Variants in FILIP1L observed in about 807,000 individuals in gnomAD.
FILIP1L encodes the protein filamin A interacting protein 1 like.
FILIP1L carries 55 observed loss-of-function variants against 96.6 expected under a neutral mutation model. The ratio of observed to expected loss-of-function variants is 0.57; its 90% CI spans 0.46 to 0.71. The LOEUF (loss-of-function observed/expected upper bound fraction) is 0.71. FILIP1L is among the 30% of genes least tolerant of loss of function. The probability of loss-of-function intolerance (pLI) is 0.00; values close to 1 mark genes in which losing one functional copy is unlikely to be tolerated. For missense variants in FILIP1L, 1,304 were observed against 1,321.2 expected, an observed-to-expected ratio of 0.99 and a Z score of 0.20; for synonymous variants, 467 against 473.9, an observed-to-expected ratio of 0.99 and a Z score of 0.19.
intron 1 of FILIP1L, among the ~76,000 whole-genome samples, chr3:99,974,275 C>T (rs967334997): frequency 2.0e-5 from 3 of 152,166 alleles, no homozygotes; most frequent in African/African-American, 4.8e-5. Context: ...CTTTCAAGCA[C>T]GGGTTGATTT....
chr3:100,015,552 T>A (rs1424885274), intron 1 of FILIP1L, among the ~76,000 whole-genome samples: 6 of 152,234 alleles, frequency 3.9e-5, no homozygotes, highest in Non-Finnish European at 1.5e-5. Flanking sequence ...GGACAATATT[T>A]TTTACACATT....
At chr3:99,992,798 A>G (rs967424469) in intron 1 of FILIP1L, among the ~76,000 whole-genome samples, 5 of 152,068 alleles carry the variant, frequency 3.3e-5, no homozygotes, top group African/African-American at 1.2e-4. Flanking sequence ...ATGGTTTCAG[A>G]TCTTACATTT....
intron 4 of FILIP1L, among the ~76,000 whole-genome samples, chr3:99,903,229 CATGTGTG>C (rs1440408555): frequency 6.6e-6 from 1 of 151,800 alleles, no homozygotes; most frequent in Non-Finnish European, 1.5e-5. Context: ...TGTATTCATA[CATGTGTG>C]TATATGTATA....
chr3:100,005,601 G>T (rs192782890), intron 1 of FILIP1L, among the ~76,000 whole-genome samples: 1 of 152,180 alleles, frequency 6.6e-6, no homozygotes, highest in African/African-American at 2.4e-5. Context: ...GAATTCCAAT[G>T]ATTCTAAAGT....
chr3:99,936,635 A>G (rs377766634), intron 1 of FILIP1L, among the ~76,000 whole-genome samples: 1 of 147,864 alleles, frequency 6.8e-6, no homozygotes, highest in East Asian at 2.1e-4. Context: ...GCCTCCCAAA[A>G]TGCAGGGATT....
At chr3:99,881,623 C>A (rs963143958) in intron 4 of FILIP1L, among the ~76,000 whole-genome samples, 1 of 151,902 alleles carries the variant, frequency 6.6e-6, no homozygotes. Flanking sequence ...ACCTCCGACT[C>A]CTGGGTTCAG....
intron 1 of FILIP1L, among the ~76,000 whole-genome samples, chr3:99,937,322 T>C (rs1045483817): frequency 6.6e-6 from 1 of 152,228 alleles, no homozygotes; most frequent in African/African-American, 2.4e-5. Flanking sequence ...TAACATAAAT[T>C]CACAAACCCC....
At chr3:100,050,890 T>G (rs1023448190) in intron 1 of FILIP1L, among the ~76,000 whole-genome samples, 3 of 152,174 alleles carry the variant, frequency 2.0e-5, no homozygotes, top group African/African-American at 7.2e-5. Flanking sequence ...TGAGACACAT[T>G]CTTTGGGAGC....
intron 5 of FILIP1L, among the ~76,000 whole-genome samples, chr3:99,844,199 T>C (rs899623519): frequency 6.6e-6 from 1 of 152,172 alleles, no homozygotes; most frequent in Non-Finnish European, 1.5e-5. Context: ...AAGTACCGTT[T>C]TAGGGCACAA....
intron 4 of FILIP1L, among the ~76,000 whole-genome samples, chr3:99,860,230 G>A (rs569466521): frequency 6.6e-6 from 1 of 152,284 alleles, no homozygotes; most frequent in South Asian, 2.1e-4. Flanking sequence ...CTTTAGCTTG[G>A]TGTCAGAGGA....
intron 1 of FILIP1L, among the ~76,000 whole-genome samples, chr3:99,933,098 A>G (rs916289863): frequency 3.3e-5 from 5 of 152,240 alleles, no homozygotes; most frequent in African/African-American, 1.2e-4. Flanking sequence ...AAGGTTGCAC[A>G]GCTAATAAGT....
At chr3:100,062,090 CTTCTTTTTTTTTTTTTTTTTT>C (rs2065577206) in intron 1 of FILIP1L, among the ~76,000 whole-genome samples, 1 of 67,880 alleles carries the variant, frequency 1.5e-5, no homozygotes, top group Non-Finnish European at 2.8e-5. Context: ...ATCCTGTCTT[CTTCTTTTTTTTTTTTTTTTTT>C]TTTTTTTTTT....
chr3:99,853,318 A>G (rs1315895952), intron 4 of FILIP1L, among the ~76,000 whole-genome samples: 1 of 152,238 alleles, frequency 6.6e-6, no homozygotes, highest in Non-Finnish European at 1.5e-5. Flanking sequence ...TCTCTACACC[A>G]CAGTTCTTAC....
intron 1 of FILIP1L, chr3:100,010,194 AT>A: frequency 1.1e-6 from 1 of 893,584 alleles, no homozygotes; most frequent in Non-Finnish European, 1.3e-6. Context: ...AAGTATTGCT[AT>A]TTTTATCAAA....
chr3:100,051,623 T>C (rs1182267783), intron 1 of FILIP1L, among the ~76,000 whole-genome samples: 2 of 150,874 alleles, frequency 1.3e-5, no homozygotes, highest in Non-Finnish European at 3.0e-5. Context: ...TTTTTGTCCT[T>C]GCGATAGTTT....
chr3:100,078,613 G>A (rs572803458), intron 1 of FILIP1L, among the ~76,000 whole-genome samples: 3 of 152,240 alleles, frequency 2.0e-5, no homozygotes, highest in Non-Finnish European at 2.9e-5. Flanking sequence ...AATTGGCCTG[G>A]CATGGTGGCT....
intron 1 of FILIP1L, among the ~76,000 whole-genome samples, chr3:100,006,233 T>C (rs913304646): frequency 5.3e-5 from 8 of 152,134 alleles, no homozygotes; most frequent in Non-Finnish European, 1.0e-4. Context: ...CCAAACTGTT[T>C]TCCCCAGCCC....
At chr3:99,832,076 G>A (rs1277800368) in intron 5 of FILIP1L, among the ~76,000 whole-genome samples, 3 of 152,152 alleles carry the variant, frequency 2.0e-5, no homozygotes, top group South Asian at 4.1e-4. Flanking sequence ...AGGCCCAGCT[G>A]CCTGAAGGTT....
intron 4 of FILIP1L, among the ~76,000 whole-genome samples, chr3:99,868,129 C>T (rs2107574469): frequency 6.6e-6 from 1 of 152,278 alleles, no homozygotes; most frequent in Non-Finnish European, 1.5e-5. Context: ...AAGCCTTTTG[C>T]AGTCACCAGC....
Sources: allele counts gnomAD v4.1 joint callset (sites outside exome capture counted in the v4.1 genomes callset), GRCh38; gene constraint gnomAD v4.1.1; transcripts MANE v1.5; gene names NCBI Gene and HGNC (gene_info 2026-07-23, HGNC 2026-07-21).